Variants in KCNU1 observed in about 807,000 individuals in gnomAD.
KCNU1 encodes the protein potassium calcium-activated channel subfamily U member 1, also known as potassium channel subfamily U member 1.
KCNU1 carries 93 observed loss-of-function variants against 126.8 expected under a neutral mutation model. The observed-to-expected ratio is 0.73, with a 90% confidence interval of 0.62 to 0.87. KCNU1 has a LOEUF of 0.87. KCNU1 is among the 40% of genes least tolerant of loss of function. The pLI is 0.00. For synonymous variants in KCNU1, 523 were observed against 494.2 expected (o/e 1.06, Z -0.77); for missense variants, 1,330 against 1,367.1 (o/e 0.97, Z 0.43).
rs377510303 is a variant in KCNU1, at chr8:36,834,898, G to T, written c.1295+30G>T. 4.7e-5 allele frequency: 67 copies of T among 1,439,558 alleles called. No individual in the cohort carries two copies. The African/African-American group carries it at 8.3e-4, about 18-fold the overall frequency. 89.2% of individuals were successfully genotyped at this position (1,439,558 alleles called of 1,614,324 possible). ...GAAGCTGTGTTTTGTATGCTATAAC[G>T]ATTATTTTTTTCTATCTCTTTTAAA... is the stretch of plus-strand genomic sequence containing the variant. On this transcript the variant is annotated intron_variant, in intron 12 of 26. Coordinates refer to ENST00000399881, the MANE Select transcript of KCNU1 (RefSeq NM_001031836.3).
At chr8:36,831,485 G>T (rs373826131) in intron 10 of KCNU1, among the ~76,000 whole-genome samples, 12 of 152,042 alleles carry the variant, frequency 7.9e-5, no homozygotes, top group South Asian at 4.2e-4. Flanking sequence ...ATTGTGGTTT[G>T]GATTTGCATT....
chr8:36,921,971 T>G (rs1808366227), intron 23 of KCNU1, among the ~76,000 whole-genome samples: 1 of 152,166 alleles, frequency 6.6e-6, no homozygotes, highest in African/African-American at 2.4e-5. Flanking sequence ...AGAATCTGCA[T>G]TGCAACCAAA....
intron 19 of KCNU1, among the ~76,000 whole-genome samples, chr8:36,866,458 A>G (rs889584451): frequency 2.0e-4 from 30 of 152,234 alleles, no homozygotes; most frequent in African/African-American, 7.2e-4. Context: ...CCTGCCTTCC[A>G]ATCCCAGATT....
intron 2 of KCNU1, among the ~76,000 whole-genome samples, chr8:36,788,513 A>C (rs1188092995): frequency 6.6e-6 from 1 of 152,224 alleles, no homozygotes; most frequent in Non-Finnish European, 1.5e-5. Flanking sequence ...AAGTAGTTTC[A>C]TGTGAGCTAA....
intron 6 of KCNU1, 54 bp from the exon 7 acceptor site, chr8:36,808,664 T>C (rs753247762): frequency 1.9e-6 from 2 of 1,075,706 alleles, no homozygotes; most frequent in Non-Finnish European, 2.8e-6. Flanking sequence ...ATGAGGTGTT[T>C]GTGTTGTTCT....
At position 36,919,006 on chromosome 8, in the gene KCNU1, TG is replaced by T. The variant is rs1028147131; in HGVS notation, c.2596+113del. 1.1e-5 allele frequency: 8 copies of T among 741,230 alleles called. No individual in the cohort carries two copies. In the African/African-American group the frequency reaches 1.4e-4, roughly 13 times the overall value. 45.9% of individuals were successfully genotyped at this position (741,230 alleles called of 1,614,324 possible). On this transcript the variant is annotated intron_variant, in intron 23 of 26. Transcript: ENST00000399881. ...CAATCACAGGACTCAGGAACCAGAATGGGGCTCAGAGCTTTAAGTGCTTGCC... is the reference window on the plus strand; with the variant it reads ...CAATCACAGGACTCAGGAACCAGAATGGGCTCAGAGCTTTAAGTGCTTGCC...
In KCNU1 at chr8:36,914,841, G is replaced by A. The variant is rs114758369; in HGVS notation, c.2521+3722G>A. On this transcript the variant is annotated intron_variant, in intron 22 of 26. Coordinates refer to ENST00000399881, the MANE Select transcript of KCNU1 (RefSeq NM_001031836.3). ...TATGCTACTGAAATTTAAATGTACC[G>A]AAGTAATCTACAATTAAGCAATCTT... Among the ~76,000 whole-genome samples, 93 of 152,268 alleles carry A rather than the reference G, an allele frequency of 6.1e-4. 1 individual carries two copies. Among genetic ancestry groups the A allele is most frequent in the African/African-American group, 2.0e-3 (84 of 41,566 alleles).
intron 18 of KCNU1, among the ~76,000 whole-genome samples, chr8:36,862,522 C>A (rs1017334191): frequency 2.6e-5 from 4 of 152,186 alleles, no homozygotes; most frequent in Non-Finnish European, 1.5e-5. Context: ...CAACACCAAT[C>A]AGAAACATCA....
intron 10 of KCNU1, among the ~76,000 whole-genome samples, chr8:36,822,836 T>C (rs1563277152): frequency 6.6e-6 from 1 of 152,102 alleles, no homozygotes; most frequent in African/African-American, 2.4e-5. Flanking sequence ...GTTTTATGAG[T>C]GGGCGCATAA....
chr8:36,793,780 G>C (rs901816345), intron 2 of KCNU1, among the ~76,000 whole-genome samples: 7 of 152,084 alleles, frequency 4.6e-5, no homozygotes, highest in Admixed American at 1.3e-4. Context: ...ATATGGTCAG[G>C]CATAGTGGCT....
intron 22 of KCNU1, among the ~76,000 whole-genome samples, chr8:36,916,612 T>G: frequency 6.6e-6 from 1 of 152,114 alleles, no homozygotes; most frequent in East Asian, 1.9e-4. Flanking sequence ...GAAAAACAAT[T>G]TAAGGTATTT....
chr8:36,807,825 A>T (rs971107659), intron 6 of KCNU1, among the ~76,000 whole-genome samples: 1 of 151,388 alleles, frequency 6.6e-6, no homozygotes, highest in Admixed American at 6.6e-5. Flanking sequence ...AAAAAAAAAG[A>T]AACACTTCTT....
intron 19 of KCNU1, among the ~76,000 whole-genome samples, chr8:36,866,085 G>A (rs998358987): frequency 3.9e-5 from 6 of 152,018 alleles, no homozygotes; most frequent in African/African-American, 1.2e-4. Flanking sequence ...CTTGATTCCC[G>A]GCTGCTAGTA....
intron 18 of KCNU1, among the ~76,000 whole-genome samples, chr8:36,855,965 C>T (rs1252475599): frequency 6.6e-6 from 1 of 152,066 alleles, no homozygotes; most frequent in African/African-American, 2.4e-5. Context: ...TGATGTAGGG[C>T]ACAATTTAGT....
rs61691643 is a variant in KCNU1, at chr8:36,884,315, A to G, written c.2009+19794A>G. Among the ~76,000 whole-genome samples the G allele has an allele frequency of 7.4e-4, 113 of 152,342 alleles. No individual in the cohort carries two copies. The East Asian group carries it at 0.019, about 26-fold the overall frequency. On this transcript the variant is annotated intron_variant, in intron 19 of 26. Coordinates refer to ENST00000399881, the MANE Select transcript of KCNU1 (RefSeq NM_001031836.3). ...ACTTCATATTTTAATTACCCACAGT[A>G]ATTCTGACAATTACACATATGTCAT...
chr8:36,871,186 TA>T (rs1585489188), intron 19 of KCNU1, among the ~76,000 whole-genome samples: 1 of 152,250 alleles, frequency 6.6e-6, no homozygotes, highest in Non-Finnish European at 1.5e-5. Context: ...ATATAAAAAC[TA>T]TACTTTTAAT....
chr8:36,814,183 C>T (rs1163984875), intron 7 of KCNU1, 24 bp from the exon 8 acceptor site: 1 of 1,596,976 alleles, frequency 6.3e-7, no homozygotes, highest in Non-Finnish European at 8.6e-7. Context: ...TCAGATGTTT[C>T]CTGAGTCTTC....
At chr8:36,829,905 G>A (rs183682922) in intron 10 of KCNU1, among the ~76,000 whole-genome samples, 1 of 150,896 alleles carries the variant, frequency 6.6e-6, no homozygotes, top group Non-Finnish European at 1.5e-5. Flanking sequence ...TTTACTAGTT[G>A]TTTGTTCTTA....
chr8:36,875,015 T>C (rs1563309192), intron 19 of KCNU1, among the ~76,000 whole-genome samples: 1 of 151,986 alleles, frequency 6.6e-6, no homozygotes, highest in Non-Finnish European at 1.5e-5. Context: ...CCTGGTTTCC[T>C]CCTAATGAAT....
Sources: gnomAD v4.1 joint callset for allele counts (sites outside exome capture counted in the v4.1 genomes callset) on GRCh38, gnomAD v4.1.1 for gene constraint, MANE v1.5 for transcripts, NCBI Gene and HGNC (gene_info 2026-07-23, HGNC 2026-07-21) for gene names.